The following TMEM132D variants were observed in gnomAD, a reference collection of about 807,000 sequenced individuals.
TMEM132D encodes mature OL transmembrane protein.
Under a neutral mutation model 62.3 loss-of-function variants are expected in TMEM132D, and 21 were observed. The observed-to-expected ratio is 0.34, with a 90% CI of 0.24 to 0.49. TMEM132D has a LOEUF of 0.49. Among genes scored for constraint, TMEM132D ranks in the 20% least tolerant of loss-of-function variants. The pLI, the probability that TMEM132D is intolerant of heterozygous loss-of-function variation, is 0.99. For synonymous variants in TMEM132D, 621 were observed against 575.6 expected (o/e 1.08, Z -1.13); for missense variants, 1,346 against 1,402.8 (o/e 0.96, Z 0.65).
intron 1 of TMEM132D, among the ~76,000 whole-genome samples, chr12:129,735,408 C>T (rs1035730673): frequency 9.2e-5 from 14 of 152,158 alleles, no homozygotes; most frequent in Admixed American, 5.2e-4. Flanking sequence ...TATTAGGGAG[C>T]TGTTCAAATT....
intron 4 of TMEM132D, among the ~76,000 whole-genome samples, chr12:129,215,943 G>A (rs894818036): frequency 4.6e-5 from 7 of 152,218 alleles, no homozygotes; most frequent in Admixed American, 2.6e-4. Context: ...GAACAGTGTG[G>A]GGGAAACCGC....
At chr12:129,200,149 A>T (rs760332756) in intron 5 of TMEM132D, among the ~76,000 whole-genome samples, 8 of 152,122 alleles carry the variant, frequency 5.3e-5, no homozygotes, top group Non-Finnish European at 1.2e-4. Context: ...GGGGGGACCA[A>T]GAGGGCCAAT....
At chr12:129,824,239 C>T (rs1288786257) in intron 1 of TMEM132D, among the ~76,000 whole-genome samples, 2 of 152,150 alleles carry the variant, frequency 1.3e-5, no homozygotes, top group Non-Finnish European at 1.5e-5. Context: ...CGGCTCTCAA[C>T]TTTATTCCAT....
intron 2 of TMEM132D, among the ~76,000 whole-genome samples, chr12:129,551,405 C>T (rs969931485): frequency 2.1e-4 from 32 of 152,222 alleles, no homozygotes; most frequent in African/African-American, 7.7e-4. Context: ...AGGCATGTCT[C>T]TCTCTTGGGA....
intron 5 of TMEM132D, among the ~76,000 whole-genome samples, chr12:129,114,961 G>C (rs571164931): frequency 3.0e-4 from 45 of 152,294 alleles, no homozygotes; most frequent in Middle Eastern, 3.4e-3. Context: ...TTCTGGCTAT[G>C]ACTGATAATG....
At chr12:129,836,379 C>T (rs1873002941) in intron 1 of TMEM132D, among the ~76,000 whole-genome samples, 3 of 152,224 alleles carry the variant, frequency 2.0e-5, no homozygotes, top group African/African-American at 7.2e-5. Flanking sequence ...AGAGAGAGTT[C>T]TCCATCAGCT....
chr12:129,582,625 T>C (rs1877904452), intron 2 of TMEM132D, among the ~76,000 whole-genome samples: 3 of 69,240 alleles, frequency 4.3e-5, no homozygotes, highest in Non-Finnish European at 7.8e-5. Flanking sequence ...CTTTCTTTCT[T>C]TTTTTTTTTT....
intron 2 of TMEM132D, among the ~76,000 whole-genome samples, chr12:129,572,558 C>T (rs573246784): frequency 2.4e-4 from 36 of 152,308 alleles, no homozygotes; most frequent in African/African-American, 8.2e-4. Context: ...AAGCAATTCT[C>T]GTGCCTCAGC....
intron 4 of TMEM132D, among the ~76,000 whole-genome samples, chr12:129,288,619 T>C (rs547522173): frequency 1.3e-5 from 2 of 152,286 alleles, no homozygotes; most frequent in South Asian, 2.1e-4. Flanking sequence ...TTGACAAGCA[T>C]GTGGAGAAAT....
intron 5 of TMEM132D, among the ~76,000 whole-genome samples, chr12:129,157,992 G>A (rs993965789): frequency 4.6e-5 from 7 of 152,106 alleles, no homozygotes; most frequent in African/African-American, 1.4e-4. Flanking sequence ...GATGAGATGC[G>A]AGATAAAGTA....
chr12:129,839,146 T>TTTTTTTTTTTTTTTTTTTTTTG (rs1873102328), intron 1 of TMEM132D, among the ~76,000 whole-genome samples: 1 of 130,010 alleles, frequency 7.7e-6, no homozygotes, highest in Non-Finnish European at 1.6e-5. Context: ...TTTTTTTTTT[T>TTTTTTTTTTTTTTTTTTTTTTG]TTTGAGATGG....
At chr12:129,142,875 C>T (rs542680677) in intron 5 of TMEM132D, among the ~76,000 whole-genome samples, 2 of 152,156 alleles carry the variant, frequency 1.3e-5, no homozygotes, top group Non-Finnish European at 2.9e-5. Context: ...CACTAATTTT[C>T]CAGATGGAGT....
Position 129,748,664 on chromosome 12 carries a change from AAGAAG to A in TMEM132D, c.80-47971_80-47967del, listed in dbSNP as rs143453676. 2.6e-5 allele frequency among the ~76,000 whole-genome samples: 4 copies of A among 152,352 alleles called. No homozygotes were observed. In the East Asian group the frequency reaches 7.7e-4, roughly 29 times the overall value. ...GATCCCGATGGAGGAAAAACAAAGT[AAGAAG>A]AGAAGAAAAACTAGGGCTCCCAGAG... On this transcript the variant is annotated intron_variant, in intron 1 of 8. Transcript: ENST00000422113.
chr12:129,583,821 C>A (rs934069398), intron 2 of TMEM132D, among the ~76,000 whole-genome samples: 1 of 152,150 alleles, frequency 6.6e-6, no homozygotes, highest in South Asian at 2.1e-4. Context: ...AGGCTGTTCA[C>A]CAACACACTG....
At chr12:129,135,855 A>G (rs1169759643) in intron 5 of TMEM132D, among the ~76,000 whole-genome samples, 1 of 151,922 alleles carries the variant, frequency 6.6e-6, no homozygotes, top group Non-Finnish European at 1.5e-5. Flanking sequence ...TGGTATTCTC[A>G]TTGTGTGGGT....
At chr12:129,403,376 AAG>A (rs556953060) in intron 3 of TMEM132D, among the ~76,000 whole-genome samples, 18 of 151,388 alleles carry the variant, frequency 1.2e-4, no homozygotes, top group African/African-American at 4.4e-4. Context: ...TCGCTGGAAG[AAG>A]AGAGTACAGC....
At chr12:129,286,439 T>C (rs930607914) in intron 4 of TMEM132D, among the ~76,000 whole-genome samples, 1 of 152,140 alleles carries the variant, frequency 6.6e-6, no homozygotes, top group South Asian at 2.1e-4. Context: ...AATGAGTACA[T>C]TGTAGGATTG....
At chr12:129,158,859 GA>G (rs1357421051) in intron 5 of TMEM132D, among the ~76,000 whole-genome samples, 5 of 152,182 alleles carry the variant, frequency 3.3e-5, no homozygotes, top group African/African-American at 4.8e-5. Flanking sequence ...GAGGTCTCAG[GA>G]AACTTACAGT....
chr12:129,542,138 C>A (rs917516893), intron 2 of TMEM132D, among the ~76,000 whole-genome samples: 3 of 152,172 alleles, frequency 2.0e-5, no homozygotes, highest in African/African-American at 7.2e-5. Flanking sequence ...CTCAGGGGGC[C>A]TCCCCAGCAC....
Sources: gnomAD v4.1 joint callset for allele counts (sites outside exome capture counted in the v4.1 genomes callset) on GRCh38, gnomAD v4.1.1 for gene constraint, MANE v1.5 for transcripts, NCBI Gene and HGNC (gene_info 2026-07-23, HGNC 2026-07-21) for gene names.